STAB2: variants seen among roughly 807,000 people sequenced by gnomAD.
STAB2 encodes the protein stabilin-2.
In STAB2, 288 loss-of-function variants were observed where a neutral mutation model predicts 338.1. The ratio of observed to expected loss-of-function variants is 0.85; its 90% CI spans 0.77 to 0.94. The LOEUF (loss-of-function observed/expected upper bound fraction) is 0.94. Ranked by LOEUF, STAB2 falls within the 40% of genes least tolerant of loss-of-function variation. STAB2 has a pLI of 0.00. For missense variants in STAB2, 3,141 were observed against 3,210.1 expected (o/e 0.98, Z 0.52); for synonymous variants, 1,202 against 1,193.3 (o/e 1.01, Z -0.15).
intron 26 of STAB2, among the ~76,000 whole-genome samples, chr12:103,684,273 A>G (rs1016607784): frequency 3.3e-5 from 5 of 152,154 alleles, no homozygotes; most frequent in Admixed American, 6.5e-5. Flanking sequence ...AACTGGCCCA[A>G]CTGGGTGCAG....
intron 27 of STAB2, among the ~76,000 whole-genome samples, chr12:103,685,831 ATTTACCATC>A (rs1276053505): frequency 6.6e-6 from 1 of 152,118 alleles, no homozygotes; most frequent in African/African-American, 2.4e-5. Context: ...TACATATATA[ATTTACCATC>A]TTTACCATTT....
At chr12:103,757,116 T>C (rs961784100) in intron 63 of STAB2, among the ~76,000 whole-genome samples, 1 of 151,144 alleles carries the variant, frequency 6.6e-6, no homozygotes, top group African/African-American at 2.4e-5. Context: ...CTTAAGAGAG[T>C]CTTGTTGTGT....
rs145046343 is a variant in STAB2, at chr12:103,733,861, T to C, written c.5460+679T>C. 7.9e-3 allele frequency among the ~76,000 whole-genome samples: 1,183 copies of C among 149,018 alleles called. 21 individuals are homozygous for C. Among genetic ancestry groups the C allele is most frequent in the African/African-American group, 0.028 (1,124 of 39,588 alleles). Reference sequence around the variant, plus strand: ...CAAGCATGATCATATGAGAGCAGCATGATCATATAGGAGCAAGCACGATCA... The same window carrying C: ...CAAGCATGATCATATGAGAGCAGCACGATCATATAGGAGCAAGCACGATCA... On this transcript the variant is annotated intron_variant, in intron 51 of 68. Coordinates refer to ENST00000388887, the MANE Select transcript of STAB2 (RefSeq NM_017564.10).
rs1375347066 is a variant in STAB2, at chr12:103,689,963, A to G, written c.3163A>G (p.Asn1055Asp). 1.9e-6 allele frequency: 3 copies of G among 1,613,874 alleles called. No homozygotes were observed. The highest frequency in any genetic ancestry group is 2.7e-5 in the African/African-American group (2 of 74,920). ...DEKSFWLSQS[N>D]IPALIKYHML... ...GAAAAGCTTCTGGTTGTCACAGAGC[A>G]ATATTCCAGCCCTAATAAAGTAGGT... Residue 1055 changes from asparagine (N) to aspartate (D), a missense_variant, in exon 29 of 69, where the codon AAT becomes GAT. Coordinates refer to ENST00000388887, the MANE Select transcript of STAB2 (RefSeq NM_017564.10).
rs767192468 is a variant in STAB2, at chr12:103,669,532, G to A, written c.2173-9G>A. 9.3e-6 allele frequency: 15 copies of A among 1,613,864 alleles called. 1 individual carries two copies. In the South Asian group the frequency reaches 1.6e-4, roughly 18 times the overall value. On this transcript the variant is annotated splice_polypyrimidine_tract_variant and intron_variant, in intron 20 of 68. Coordinates refer to ENST00000388887, the MANE Select transcript of STAB2 (RefSeq NM_017564.10). ...GGGTTCAAAGGGGAACACGCATTTT[G>A]TTTTTCAGATTCCAAAGTGCTGCAA...
At chr12:103,689,711 G>A (rs1268369240) in intron 28 of STAB2, 135 bp from the exon 29 acceptor site, 3 of 1,045,220 alleles carry the variant, frequency 2.9e-6, no homozygotes, top group Non-Finnish European at 4.1e-6. Flanking sequence ...CCAGTGGGTG[G>A]GGTGGATTTG....
intron 65 of STAB2, among the ~76,000 whole-genome samples, chr12:103,760,388 G>A (rs748807092): frequency 7.9e-5 from 12 of 152,132 alleles, no homozygotes; most frequent in Admixed American, 2.0e-4. Context: ...AGCCTCCCGC[G>A]TAGCTGGGAC....
chr12:103,704,777 T>A, intron 36 of STAB2, 163 bp downstream of exon 36: 1 of 670,470 alleles, frequency 1.5e-6, no homozygotes, highest in Non-Finnish European at 2.3e-6. Context: ...AAATCTTACA[T>A]CTATTTTTTT....
At chr12:103,763,422 CCTG>C in intron 67 of STAB2, 67 bp from the exon 68 acceptor site, 1 of 1,412,610 alleles carries the variant, frequency 7.1e-7, no homozygotes, top group South Asian at 1.2e-5. Flanking sequence ...GCTTGCTTTA[CCTG>C]CCAACTTGGC....
intron 53 of STAB2, among the ~76,000 whole-genome samples, chr12:103,738,444 C>G (rs1198914825): frequency 6.6e-6 from 1 of 152,142 alleles, no homozygotes; most frequent in Non-Finnish European, 1.5e-5. Flanking sequence ...ATCATCTGCC[C>G]TATTGTGTAG....
At chr12:103,630,154 A>T (rs1957437497) in intron 5 of STAB2, among the ~76,000 whole-genome samples, 1 of 152,220 alleles carries the variant, frequency 6.6e-6, no homozygotes, top group Non-Finnish European at 1.5e-5. Flanking sequence ...AGAGGCAAGA[A>T]ACTGGAAATA....
At chr12:103,671,228 G>A (rs758387385) in intron 22 of STAB2, among the ~76,000 whole-genome samples, 1 of 152,104 alleles carries the variant, frequency 6.6e-6, no homozygotes, top group Non-Finnish European at 1.5e-5. Context: ...GAGGTGGGTG[G>A]ATCACTTGAG....
chr12:103,643,814 C>T (rs1035197129), intron 9 of STAB2, among the ~76,000 whole-genome samples: 4 of 151,708 alleles, frequency 2.6e-5, no homozygotes, highest in South Asian at 2.1e-4. Context: ...TTAGCCGCCC[C>T]GACCGGGAGG....
intron 3 of STAB2, among the ~76,000 whole-genome samples, chr12:103,613,397 T>A (rs1458383591): frequency 6.6e-6 from 1 of 152,094 alleles, no homozygotes; most frequent in East Asian, 1.9e-4. Context: ...CGGGAGCCTC[T>A]CCCCCAGCCT....
rs573697669 is a variant in STAB2 at position 103,663,752 on chromosome 12, T to C, written c.2022+754T>C. The stretch of plus-strand genomic sequence containing the variant: ...ACGAATTACATCTGCAAAGACCTTA[T>C]TTCCCAACAAGATCACATTCTGAGG... On this transcript the variant is annotated intron_variant, in intron 18 of 68. Transcript: ENST00000388887. Among the ~76,000 whole-genome samples, 210 of 152,342 alleles carry C rather than the reference T, an allele frequency of 1.4e-3. 1 individual carries two copies. The highest frequency in any genetic ancestry group is 2.4e-3 in the Non-Finnish European group (162 of 68,042).
At chr12:103,746,440 G>T in intron 57 of STAB2, 157 bp from the exon 58 acceptor site, 1 of 649,666 alleles carries the variant, frequency 1.5e-6, no homozygotes, top group South Asian at 1.9e-5. Flanking sequence ...AATCTCCAAG[G>T]CTAGAAAAGA....
At position 103,761,344 on chromosome 12, in the gene STAB2, C is replaced by T. The variant is rs368207402; in HGVS notation, c.7293C>T (p.Asp2431=). ...ATGGAAGAGCCATTCTGCAGTGGGACATCTTTGCCTCCAATGGGATCATTC... is the reference window on the plus strand; with the variant it reads ...ATGGAAGAGCCATTCTGCAGTGGGATATCTTTGCCTCCAATGGGATCATTC... ...FVDGRAILQW[D]IFASNGIIHV... The change falls in exon 66 of 69, where the codon GAC becomes GAT. Residue 2431 remains aspartate, a synonymous_variant. Coordinates refer to ENST00000388887, the MANE Select transcript of STAB2 (RefSeq NM_017564.10). 4 of 1,614,134 alleles carry T rather than the reference C, an allele frequency of 2.5e-6. No individual in the cohort carries two copies. Among genetic ancestry groups the T allele is most frequent in the Non-Finnish European group, 3.4e-6 (4 of 1,180,016 alleles).
intron 53 of STAB2, 87 bp from the exon 54 acceptor site, chr12:103,739,325 C>A: frequency 7.8e-7 from 1 of 1,280,574 alleles, no homozygotes; most frequent in Non-Finnish European, 1.1e-6. Context: ...TAGTTAAGCC[C>A]TTAATCCATC....
At chr12:103,675,795 G>T in intron 23 of STAB2, 133 bp from the exon 24 acceptor site, 1 of 627,026 alleles carries the variant, frequency 1.6e-6, no homozygotes, top group South Asian at 2.2e-5. Flanking sequence ...GACCACATTT[G>T]AGCGCTGGCT....
Sources: allele counts gnomAD v4.1 joint callset (sites outside exome capture counted in the v4.1 genomes callset), GRCh38; gene constraint gnomAD v4.1.1; transcripts MANE v1.5; gene names NCBI Gene and HGNC (gene_info 2026-07-23, HGNC 2026-07-21).